The following MYO16 variants were observed in gnomAD, a reference collection of about 807,000 sequenced individuals.
The protein encoded by MYO16 is myosin XVI, also known as unconventional myosin-XVI.
A neutral mutation model predicts 205.3 loss-of-function variants in MYO16; 94 were observed. The ratio of observed to expected loss-of-function variants is 0.46; its 90% CI spans 0.39 to 0.54. The LOEUF (loss-of-function observed/expected upper bound fraction) is 0.54, where lower values mean the gene tolerates loss of function less well. Ranked by LOEUF, MYO16 falls within the 20% of genes least tolerant of loss-of-function variation. The pLI is 0.00. For missense variants in MYO16, 2,315 were observed against 2,387.5 expected (o/e 0.97, Z 0.63); for synonymous variants, 988 against 954.0 (o/e 1.04, Z -0.66).
rs1326074883 is a variant in MYO16 at position 109,055,524 on chromosome 13, G to A, written c.3264G>A (p.Gly1088=). ...TGTCTGCTCAGCTACAATATATTGG[G>A]GTCCTGGAGATGGTGAAGATCTTCC... is the stretch of plus-strand genomic sequence containing the variant. ...FYVSAQLQYI[G]VLEMVKIFRY... The change falls in exon 27 of 35, where the codon GGG becomes GGA. Residue 1088 remains glycine (G), a synonymous_variant. Coordinates refer to ENST00000457511, the MANE Select transcript of MYO16 (RefSeq NM_001198950.3). The surrounding 1 kb of genome is among the most constrained non-coding windows in gnomAD (Gnocchi z 5.0). The A allele has an allele frequency of 1.2e-6, 2 of 1,613,150 alleles. No individual in the cohort carries two copies. Among genetic ancestry groups the A allele is most frequent in the Non-Finnish European group, 1.7e-6 (2 of 1,179,452 alleles).
At position 109,055,004 on chromosome 13, in the gene MYO16, C is replaced by G; in HGVS notation, c.3049-42C>G. 1 of 1,271,284 alleles carries G rather than the reference C, an allele frequency of 7.9e-7. No individual in the cohort carries two copies. Among genetic ancestry groups the G allele is most frequent in the Non-Finnish European group, 1.1e-6 (1 of 916,886 alleles). 78.8% of individuals were successfully genotyped at this position (1,271,284 alleles called of 1,614,324 possible). On this transcript the variant is annotated intron_variant, in intron 25 of 34. Transcript: ENST00000457511. This position sits in a 1 kb window ranked among gnomAD's most constrained non-coding sequence, Gnocchi z 5.0. ...CTCCTTCTTCCTTTCCTTTCCTTTCCTTTCTTTTCTCCTGTCCTTCTTGTC... is the reference window on the plus strand; with the variant it reads ...CTCCTTCTTCCTTTCCTTTCCTTTCGTTTCTTTTCTCCTGTCCTTCTTGTC...
chr13:108,829,908 T>G (rs1352961321), intron 9 of MYO16, among the ~76,000 whole-genome samples: 2 of 150,120 alleles, frequency 1.3e-5, no homozygotes, highest in Non-Finnish European at 3.0e-5. Context: ...CAAACAAATT[T>G]ACAAGAAAAA....
upstream of MYO16, among the ~76,000 whole-genome samples, chr13:108,627,700 A>C (rs1161864409): frequency 1.3e-5 from 2 of 152,196 alleles, no homozygotes; most frequent in African/African-American, 4.8e-5. Flanking sequence ...GGCTCAAATC[A>C]ATTATATTTT....
chr13:109,104,931 T>TGGG (rs1464037860), intron 28 of MYO16, among the ~76,000 whole-genome samples: 2 of 152,168 alleles, frequency 1.3e-5, no homozygotes, highest in Non-Finnish European at 2.9e-5. Context: ...CCATGGTGCC[T>TGGG]GGGACCTTCT....
intron 25 of MYO16, among the ~76,000 whole-genome samples, chr13:109,053,337 T>C (rs1267013737): frequency 2.0e-5 from 3 of 151,978 alleles, no homozygotes; most frequent in Non-Finnish European, 2.9e-5. Context: ...GAGTGTGTGC[T>C]CCAGCCAGTG....
At chr13:108,932,447 T>C (rs907656952) in intron 16 of MYO16, among the ~76,000 whole-genome samples, 6 of 152,222 alleles carry the variant, frequency 3.9e-5, no homozygotes, top group African/African-American at 1.2e-4. Flanking sequence ...GTTAGCTCTC[T>C]AGAGATTGCT....
intron 16 of MYO16, among the ~76,000 whole-genome samples, chr13:108,921,578 CA>C (rs1881747980): frequency 6.6e-6 from 1 of 152,136 alleles, no homozygotes; most frequent in East Asian, 1.9e-4. Flanking sequence ...TGATATACAT[CA>C]ATAGCTGTTA....
chr13:108,570,340 C>G, the MYO16 span, among the ~76,000 whole-genome samples: 1 of 152,114 alleles, frequency 6.6e-6, no homozygotes, highest in Non-Finnish European at 1.5e-5. Flanking sequence ...ACTCAAACCC[C>G]TGGGCTCAAG....
chr13:108,643,703 T>C (rs1321843876), intron 1 of MYO16, among the ~76,000 whole-genome samples: 1 of 152,236 alleles, frequency 6.6e-6, no homozygotes, highest in Non-Finnish European at 1.5e-5. Flanking sequence ...ATTCACTAGT[T>C]TGTGGGCATT....
chr13:108,804,521 G>T (rs1412790619), intron 6 of MYO16, among the ~76,000 whole-genome samples: 3 of 152,014 alleles, frequency 2.0e-5, no homozygotes, highest in African/African-American at 7.2e-5. Flanking sequence ...TGTTGTTGTT[G>T]TTTTTAATCT....
intron 32 of MYO16, among the ~76,000 whole-genome samples, chr13:109,161,884 T>C (rs771829725): frequency 2.0e-5 from 3 of 152,146 alleles, no homozygotes; most frequent in Non-Finnish European, 4.4e-5. Context: ...CACTTGAAGT[T>C]TGAGACCAAC....
chr13:108,582,643 A>C, the MYO16 span, among the ~76,000 whole-genome samples: 22 of 152,318 alleles, frequency 1.4e-4, no homozygotes, highest in South Asian at 4.4e-3. Flanking sequence ...ATGTTAGGTG[A>C]AGATTGAGTT....
intron 24 of MYO16, among the ~76,000 whole-genome samples, chr13:109,049,948 G>A (rs1292615806): frequency 7.0e-6 from 1 of 143,028 alleles, no homozygotes; most frequent in African/African-American, 2.6e-5. Context: ...GTGTGTGTGT[G>A]TGTGTGTGTG....
At position 108,977,371 on chromosome 13, in the gene MYO16, C is replaced by T. The variant is rs529903540; in HGVS notation, c.2369+12469C>T. Among the ~76,000 whole-genome samples, 45 of 152,124 alleles carry T rather than the reference C, an allele frequency of 3.0e-4. 1 individual carries two copies. Among genetic ancestry groups the T allele is most frequent in the African/African-American group, 9.6e-4 (40 of 41,508 alleles). ...TCTTGAGATATATGTTTAGAATTTT[C>T]CCGAGGTGTATATTTAGTGGCAGAA... On this transcript the variant is annotated intron_variant, in intron 20 of 34. Transcript: ENST00000457511.
At chr13:108,918,509 G>A (rs1351860884) in intron 16 of MYO16, among the ~76,000 whole-genome samples, 1 of 152,216 alleles carries the variant, frequency 6.6e-6, no homozygotes, top group African/African-American at 2.4e-5. Flanking sequence ...GCCTGCTCAA[G>A]GTCAGGCAAG....
At chr13:109,051,980 G>T (rs1887260852) in intron 24 of MYO16, among the ~76,000 whole-genome samples, 1 of 152,078 alleles carries the variant, frequency 6.6e-6, no homozygotes, top group African/African-American at 2.4e-5. Flanking sequence ...TTTGACAAGT[G>T]CACAAAAGCC....
At chr13:108,614,277 CATGATTTGTACATTTAAAACTA>C (rs1474726742) in intron 1 of MYO16, among the ~76,000 whole-genome samples, 2 of 151,998 alleles carry the variant, frequency 1.3e-5, no homozygotes, top group Admixed American at 1.3e-4. Context: ...AGAACAAGTG[CATGATTTGTACATTTAAAACTA>C]TGAACTATTG....
intron 32 of MYO16, among the ~76,000 whole-genome samples, chr13:109,156,506 CA>C (rs1566538952): frequency 6.6e-6 from 1 of 152,182 alleles, no homozygotes; most frequent in African/African-American, 2.4e-5. Context: ...TTAAGTCAGC[CA>C]AACAGCTATA....
intron 33 of MYO16, among the ~76,000 whole-genome samples, chr13:109,167,579 A>T (rs1000327198): frequency 6.6e-6 from 1 of 152,174 alleles, no homozygotes; most frequent in Non-Finnish European, 1.5e-5. Flanking sequence ...TGTCTAAAAA[A>T]GGTGAATCTC....
Sources: allele counts gnomAD v4.1 joint callset (sites outside exome capture counted in the v4.1 genomes callset), GRCh38; gene constraint gnomAD v4.1.1; non-coding constraint Gnocchi (gnomAD v3.1); transcripts MANE v1.5; gene names NCBI Gene and HGNC (gene_info 2026-07-23, HGNC 2026-07-21).